The following ADGRA2 variants were observed in gnomAD, a reference collection of about 807,000 sequenced individuals.
ADGRA2 encodes the protein G-protein coupled receptor 124.
ADGRA2 carries 61 observed loss-of-function variants against 98.7 expected under a neutral mutation model. The observed-to-expected ratio is 0.62, with a 90% CI of 0.50 to 0.76. The LOEUF is 0.76. Ranked by LOEUF, ADGRA2 falls within the 30% of genes least tolerant of loss-of-function variation. ADGRA2 has a pLI of 0.00. For missense variants in ADGRA2, 1,712 were observed against 1,860.0 expected, an observed-to-expected ratio of 0.92 and a Z score of 1.46; for synonymous variants, 858 against 831.5, an observed-to-expected ratio of 1.03 and a Z score of -0.55.
In ADGRA2 at chr8:37,842,189, G is replaced by GCGC. The variant is rs1408391918; in HGVS notation, c.3852_3854dup (p.Ala1285dup). 7.1e-6 allele frequency: 11 copies of GCGC among 1,539,978 alleles called. No individual in the cohort carries two copies. The highest frequency in any genetic ancestry group is 9.6e-6 in the Non-Finnish European group (11 of 1,144,252). On this transcript the variant is annotated inframe_insertion, in exon 19 of 19. Transcript: ENST00000412232. ...AGCCGCGACAGTCTCAAGGGCGGCG[G>GCGC]CGCGCTGGAGAAGGAGAGCCATCGC...
chr8:37,837,805 G>A lies in ADGRA2; in HGVS notation c.2125G>A (p.Val709Met), dbSNP rs956546580. 1.3e-6 allele frequency: 2 copies of A among 1,545,666 alleles called. No homozygotes were observed. The highest frequency in any genetic ancestry group is 1.4e-5 in the African/African-American group (1 of 73,082). Reference protein sequence around the residue: ...LRHWAEGAEPVAAWWSQEGPG... With the variant: ...LRHWAEGAEPMAAWWSQEGPG... ...GCACTGGGCTGAGGGAGCCGAACCT[G>A]TGGCCGCTTGGTGGAGCCAGGAGGG... The change falls in exon 14 of 19, where the codon GTG (valine) becomes ATG (methionine). Residue 709 changes from valine (V) to methionine (M), a missense_variant. Val to Met is a conservative substitution (Grantham distance 21). Transcript: ENST00000412232.
At chr8:37,808,518 C>T (rs2129922237) in intron 1 of ADGRA2, among the ~76,000 whole-genome samples, 1 of 152,036 alleles carries the variant, frequency 6.6e-6, no homozygotes. Context: ...CAGGGGACAG[C>T]CTAGAATGGT....
rs1383342642 is a variant in ADGRA2 at position 37,837,967 on chromosome 8, G to C, written c.2259+28G>C. On this transcript the variant is annotated intron_variant, in intron 14 of 18. Coordinates refer to ENST00000412232, the MANE Select transcript of ADGRA2 (RefSeq NM_032777.10). ...GGGTGTGAGGAGGGGTGACAAGTCG[G>C]GGGGGCAGGGACACGGGCTGGGTGG... The C allele has an allele frequency of 6.2e-6, 9 of 1,441,168 alleles. No individual in the cohort carries two copies. The East Asian group carries it at 7.6e-5, about 12-fold the overall frequency. The allele number at this position is 1,441,168 out of a possible 1,614,324, so 89.3% of individuals were successfully genotyped here.
intron 2 of ADGRA2, among the ~76,000 whole-genome samples, chr8:37,819,963 G>A (rs546882705): frequency 1.8e-4 from 27 of 152,128 alleles, no homozygotes; most frequent in Non-Finnish European, 2.9e-4. Context: ...GAGCCACCAC[G>A]TCTGGCCATG....
At chr8:37,829,610 C>A in intron 5 of ADGRA2, 51 bp downstream of exon 5, 1 of 1,319,844 alleles carries the variant, frequency 7.6e-7, no homozygotes, top group South Asian at 1.2e-5. Context: ...CCTTTCTCTG[C>A]CCAGGAGAGA....
At position 37,841,403 on chromosome 8, in the gene ADGRA2, T is replaced by G; in HGVS notation, c.3065T>G (p.Leu1022Arg). ...TCTCCGGGAGTCCAGCTAGGGGCGCTGGTGACCACGCACTTCCTGTACTTG... is the reference window on the plus strand; with the variant it reads ...TCTCCGGGAGTCCAGCTAGGGGCGCGGGTGACCACGCACTTCCTGTACTTG... ...LYSPGVQLGA[L>R]VTTHFLYLAM... The change falls in exon 19 of 19, where the codon CTG (leucine) becomes CGG (arginine). Residue 1022 changes from leucine to arginine, a missense_variant. Leu to Arg is a moderately radical substitution (Grantham distance 102). Transcript: ENST00000412232. The surrounding 1 kb of genome is among the most constrained non-coding windows in gnomAD (Gnocchi z 5.0). The G allele has an allele frequency of 1.2e-6, 2 of 1,612,776 alleles. No individual in the cohort carries two copies. The highest frequency in any genetic ancestry group is 1.7e-6 in the Non-Finnish European group (2 of 1,179,782).
intron 1 of ADGRA2, among the ~76,000 whole-genome samples, chr8:37,808,044 G>T (rs1470247042): frequency 6.6e-6 from 1 of 152,162 alleles, no homozygotes; most frequent in Non-Finnish European, 1.5e-5. Flanking sequence ...TGCTCCCTTG[G>T]CCTCCAGCCT....
At chr8:37,820,648 G>A (rs1304798538) in intron 2 of ADGRA2, among the ~76,000 whole-genome samples, 3 of 152,254 alleles carry the variant, frequency 2.0e-5, no homozygotes, top group Non-Finnish European at 4.4e-5. Context: ...TCCAGTGGGA[G>A]GGTTGAGGCC....
rs1805459433 is a variant in ADGRA2 at position 37,831,686 on chromosome 8, G to C, written c.1097+99G>C. On this transcript the variant is annotated intron_variant, in intron 8 of 18. Transcript: ENST00000412232. ...CAGAGTTTCCCCATCCGCTGTCTCT[G>C]TTGGGTCCTAAAGATGGAGAAGACA... The C allele has an allele frequency of 3.8e-6, 4 of 1,041,056 alleles. No individual in the cohort carries two copies. The South Asian group carries it at 5.8e-5, about 15-fold the overall frequency. The allele number at this position is 1,041,056 out of a possible 1,614,324, so 64.5% of individuals were successfully genotyped here. A position where few individuals can be genotyped will look rare whatever the true frequency, so the allele number is the denominator to read the frequency against.
At position 37,837,911 on chromosome 8, in the gene ADGRA2, A is replaced by G. The variant is rs1272388919; in HGVS notation, c.2231A>G (p.Gln744Arg). 6.8e-7 allele frequency: 1 copy of G among 1,470,018 alleles called. No individual in the cohort carries two copies. Among genetic ancestry groups the G allele is most frequent in the Non-Finnish European group, 9.0e-7 (1 of 1,109,482 alleles). The allele number at this position is 1,470,018 out of a possible 1,614,324, so 91.1% of individuals were successfully genotyped here. A position where few individuals can be genotyped will look rare whatever the true frequency, so the allele number is the denominator to read the frequency against. Residue 744 changes from glutamine (Q) to arginine (R), a missense_variant, in exon 14 of 19, where the codon CAG (glutamine) becomes CGG (arginine). Transcript: ENST00000412232. The part of the protein sequence containing the change: ...SQPNVSALHC[Q>R]HLGNVAVLME... ...CCCAATGTCAGCGCCCTGCACTGCC[A>G]GCACTTGGGCAATGTGGCCGTGCTC...
intron 2 of ADGRA2, among the ~76,000 whole-genome samples, chr8:37,827,977 A>AG (rs1805327971): frequency 6.8e-6 from 1 of 146,390 alleles, no homozygotes; most frequent in African/African-American, 2.5e-5. Context: ...CTACCAAAAA[A>AG]AATTTTTTTT....
At chr8:37,807,365 C>T (rs1033989479) in intron 1 of ADGRA2, among the ~76,000 whole-genome samples, 5 of 152,242 alleles carry the variant, frequency 3.3e-5, no homozygotes, top group Admixed American at 3.3e-4. Context: ...CGAGCATCCT[C>T]ACTTTTGGAG....
At chr8:37,806,501 CT>C (rs1275263370) in intron 1 of ADGRA2, among the ~76,000 whole-genome samples, 2 of 119,110 alleles carry the variant, frequency 1.7e-5, no homozygotes, top group East Asian at 4.3e-4. Context: ...TTTTCTTTTT[CT>C]TTTTCTTTTT....
At chr8:37,827,816 G>A (rs1162810274) in intron 2 of ADGRA2, among the ~76,000 whole-genome samples, 1 of 147,682 alleles carries the variant, frequency 6.8e-6, no homozygotes, top group Non-Finnish European at 1.5e-5. Context: ...ACAGAGAGGG[G>A]CACAGGGATA....
At position 37,841,227 on chromosome 8, in the gene ADGRA2, C is replaced by T. The variant is rs1395723718; in HGVS notation, c.2889C>T (p.Ser963=). The change falls in exon 19 of 19, where the codon AGC becomes AGT. Residue 963 remains serine, a synonymous_variant. Transcript: ENST00000412232. The surrounding 1 kb of genome is among the most constrained non-coding windows in gnomAD (Gnocchi z 5.0). ...PLAQNPKAGN[S]RASLEAGEEL... ...CACAGAACCCCAAGGCGGGCAACAG[C>T]AGGGCCTCCCTGGAGGCAGGGGAGG... 4 of 1,613,610 alleles carry T rather than the reference C, an allele frequency of 2.5e-6. No homozygotes were observed. Among genetic ancestry groups the T allele is most frequent in the Non-Finnish European group, 3.4e-6 (4 of 1,179,990 alleles).
At chr8:37,837,710 G>A (rs1462225686) in intron 13 of ADGRA2, 21 bp from the exon 14 acceptor site, 2 of 1,544,682 alleles carry the variant, frequency 1.3e-6, no homozygotes, top group Non-Finnish European at 1.7e-6. Flanking sequence ...TGTCTGTGTG[G>A]ACGTCCCTCT....
At chr8:37,837,553 C>G (rs111422847) in intron 13 of ADGRA2, among the ~76,000 whole-genome samples, 178 bp from the exon 14 acceptor site, 85 of 152,342 alleles carry the variant, frequency 5.6e-4, no homozygotes, top group African/African-American at 1.9e-3. Context: ...CCTCCAGGGT[C>G]CCCCATTAGA....
In ADGRA2 at chr8:37,834,569, A is replaced by G. The variant is rs1322735299; in HGVS notation, c.1608+441A>G. ...TTGGGGCGATGCAAAGGGGTGAGACATGGAGCCTGCTCTACAGCTGAGTCG... is the reference window on the plus strand; with the variant it reads ...TTGGGGCGATGCAAAGGGGTGAGACGTGGAGCCTGCTCTACAGCTGAGTCG... On this transcript the variant is annotated intron_variant, in intron 11 of 18. Coordinates refer to ENST00000412232, the MANE Select transcript of ADGRA2 (RefSeq NM_032777.10). The surrounding 1 kb of genome is among the most constrained non-coding windows in gnomAD (Gnocchi z 4.2). 2.0e-5 allele frequency among the ~76,000 whole-genome samples: 3 copies of G among 152,338 alleles called. No homozygotes were observed. The East Asian group carries it at 5.8e-4, about 29-fold the overall frequency.
At chr8:37,812,796 A>G (rs1463911300) in intron 1 of ADGRA2, among the ~76,000 whole-genome samples, 2 of 151,604 alleles carry the variant, frequency 1.3e-5, no homozygotes, top group African/African-American at 2.4e-5. Flanking sequence ...CAGGCTCCTG[A>G]GTAGCTGGGA....
Sources: allele counts gnomAD v4.1 joint callset (sites outside exome capture counted in the v4.1 genomes callset), GRCh38; gene constraint gnomAD v4.1.1; non-coding constraint Gnocchi (gnomAD v3.1); transcripts MANE v1.5; gene names NCBI Gene and HGNC (gene_info 2026-07-23, HGNC 2026-07-21).